The following LARS2 variants were observed in gnomAD, a reference collection of about 807,000 sequenced individuals.
LARS2 encodes the protein leucyl-tRNA synthetase 2, mitochondrial.
In LARS2, 81 loss-of-function variants were observed where a neutral mutation model predicts 116.6. That is an observed-to-expected ratio of 0.69 (90% CI 0.58 to 0.84). LARS2 has a LOEUF of 0.84. Among genes scored for constraint, LARS2 ranks in the 40% least tolerant of loss-of-function variants. The pLI is 0.00. For synonymous variants in LARS2, 396 were observed against 407.2 expected (o/e 0.97, Z 0.33); for missense variants, 968 against 1,114.5 (o/e 0.87, Z 1.87).
intron 20 of LARS2, among the ~76,000 whole-genome samples, chr3:45,536,761 G>A (rs1700712944): frequency 6.6e-6 from 1 of 152,220 alleles, no homozygotes; most frequent in African/African-American, 2.4e-5. Context: ...TTACAAGAGA[G>A]TGTGTCCTAA....
In LARS2 at chr3:45,445,903, G is replaced by T. The variant is rs1448324034; in HGVS notation, c.517-988G>T. ...TGAATTGTTTGCACTTTTGGTAAAA[G>T]TACGCTTTCTATCAAAAGTTTATTA... On this transcript the variant is annotated intron_variant, in intron 6 of 21. Coordinates refer to ENST00000645846, the MANE Select transcript of LARS2 (RefSeq NM_015340.4). Among the ~76,000 whole-genome samples, 3 of 152,282 alleles carry T rather than the reference G, an allele frequency of 2.0e-5. No individual in the cohort carries two copies. The East Asian group carries it at 5.8e-4, about 29-fold the overall frequency.
rs1036133391 is a variant in LARS2 at position 45,513,874 on chromosome 3, G to A, written c.1861+639G>A. On this transcript the variant is annotated intron_variant, in intron 16 of 21. Coordinates refer to ENST00000645846, the MANE Select transcript of LARS2 (RefSeq NM_015340.4). ...AGGTGCCATGGTGAGGATGTATCAC[G>A]TGCACCCAGCACACACGTGGAATAT... 5.4e-4 allele frequency among the ~76,000 whole-genome samples: 82 copies of A among 152,072 alleles called. 1 individual carries two copies. Among genetic ancestry groups the A allele is most frequent in the Non-Finnish European group, 1.8e-4 (12 of 68,032 alleles).
chr3:45,487,895 A>G (rs1559484797), intron 11 of LARS2, among the ~76,000 whole-genome samples: 1 of 152,208 alleles, frequency 6.6e-6, no homozygotes, highest in Non-Finnish European at 1.5e-5. Context: ...GTTAAAGAAT[A>G]AATGTCTACT....
intron 2 of LARS2, among the ~76,000 whole-genome samples, chr3:45,392,178 T>C (rs1206668917): frequency 2.0e-5 from 3 of 152,230 alleles, no homozygotes; most frequent in South Asian, 2.1e-4. Flanking sequence ...AAAGCGTATG[T>C]ATATTAGGTC....
chr3:45,459,229 G>A (rs557719282), intron 8 of LARS2, among the ~76,000 whole-genome samples: 4 of 152,270 alleles, frequency 2.6e-5, no homozygotes, highest in South Asian at 4.1e-4. Context: ...AGAGAGAAAA[G>A]TGTCTTCAAC....
chr3:45,468,898 G>C (rs1406553273), intron 8 of LARS2, among the ~76,000 whole-genome samples: 1 of 152,182 alleles, frequency 6.6e-6, no homozygotes, highest in African/African-American at 2.4e-5. Flanking sequence ...TCTAGCACCA[G>C]TGACACCATT....
chr3:45,485,696 C>T lies in LARS2; in HGVS notation c.1023C>T (p.Cys341=), dbSNP rs773167863. 1 of 1,592,936 alleles carries T rather than the reference C, an allele frequency of 6.3e-7. No individual in the cohort carries two copies. Among genetic ancestry groups the T allele is most frequent in the South Asian group, 1.1e-5 (1 of 88,862 alleles). The change falls in exon 11 of 22, where the codon TGC becomes TGT. Residue 341 remains cysteine, a synonymous_variant. Coordinates refer to ENST00000645846, the MANE Select transcript of LARS2 (RefSeq NM_015340.4). ...GTTATTTGCTCTCATTTTCAGATTGCCTCACGCCTGTAATGGCTGTGAACA... is the reference window on the plus strand; with the variant it reads ...GTTATTTGCTCTCATTTTCAGATTGTCTCACGCCTGTAATGGCTGTGAACA... ...LRMALVPGKD[C]LTPVMAVNML...
intron 3 of LARS2, among the ~76,000 whole-genome samples, chr3:45,394,924 T>G (rs561081543): frequency 6.6e-6 from 1 of 152,208 alleles, no homozygotes; most frequent in Non-Finnish European, 1.5e-5. Context: ...ACAAAGGTAG[T>G]GTTTACAAGA....
At position 45,547,470 on chromosome 3, in the gene LARS2, C is replaced by G. The variant is rs767724195; in HGVS notation, c.2652C>G (p.Ser884Arg). 1 of 1,613,716 alleles carries G rather than the reference C, an allele frequency of 6.2e-7. No homozygotes were observed. The highest frequency in any genetic ancestry group is 1.1e-5 in the South Asian group (1 of 90,984). Residue 884 changes from serine to arginine, a missense_variant, in exon 22 of 22, where the codon AGC (serine) becomes AGG (arginine). Transcript: ENST00000645846. Reference sequence around the variant, plus strand: ...GTGTCAGGCTTTTGCAAGGACGAAGCATCAAGAAGTCCTTCCTTTCCCCGA... The same window carrying G: ...GTGTCAGGCTTTTGCAAGGACGAAGGATCAAGAAGTCCTTCCTTTCCCCGA... ...ELGVRLLQGRSIKKSFLSPRT... is the reference protein window; with the variant it reads ...ELGVRLLQGRRIKKSFLSPRT...
chr3:45,426,752 C>T (rs892664603), intron 6 of LARS2, among the ~76,000 whole-genome samples: 1 of 152,176 alleles, frequency 6.6e-6, no homozygotes, highest in Admixed American at 6.5e-5. Flanking sequence ...TCGCAGTCTT[C>T]AGCCTTAACT....
intron 8 of LARS2, among the ~76,000 whole-genome samples, chr3:45,461,558 A>G (rs1400323842): frequency 2.0e-5 from 3 of 152,178 alleles, no homozygotes; most frequent in Non-Finnish European, 1.5e-5. Context: ...AAACCACTAA[A>G]GGATTCTAAG....
At chr3:45,416,997 C>T (rs942036036) in intron 4 of LARS2, among the ~76,000 whole-genome samples, 1 of 150,948 alleles carries the variant, frequency 6.6e-6, no homozygotes, top group Admixed American at 6.6e-5. Flanking sequence ...TCGCTTGAAC[C>T]TGGGAGGTGG....
intron 6 of LARS2, among the ~76,000 whole-genome samples, chr3:45,426,563 G>A (rs1698597927): frequency 6.6e-6 from 1 of 152,170 alleles, no homozygotes; most frequent in Non-Finnish European, 1.5e-5. Flanking sequence ...CTTATTTTTA[G>A]GATGGTTGGT....
rs9836908 is a variant in LARS2 at position 45,454,146 on chromosome 3, C to T, written c.607-4597C>T. On this transcript the variant is annotated intron_variant, in intron 7 of 21. Transcript: ENST00000645846. ...AGCAAGCACCACAGCTGCTGTGTCA[C>T]AGATAGGAAAGCTGATAAACACAAA... 2.8e-3 allele frequency among the ~76,000 whole-genome samples: 431 copies of T among 152,274 alleles called. 6 individuals are homozygous for T. The highest frequency in any genetic ancestry group is 9.8e-3 in the African/African-American group (408 of 41,544).
rs891088196 is a variant in LARS2, at chr3:45,453,337, G to C, written c.607-5406G>C. On this transcript the variant is annotated intron_variant, in intron 7 of 21. Transcript: ENST00000645846. Reference sequence around the variant, plus strand: ...ATGGTACTTGTTGATTATCAGTCTTGTGCTGGTATTTAGCCTTGGATGGTG... The same window carrying C: ...ATGGTACTTGTTGATTATCAGTCTTCTGCTGGTATTTAGCCTTGGATGGTG... Among the ~76,000 whole-genome samples, 2 of 152,094 alleles carry C rather than the reference G, an allele frequency of 1.3e-5. 1 individual carries two copies. The highest frequency in any genetic ancestry group is 1.3e-4 in the Admixed American group (2 of 15,256).
chr3:45,433,144 T>A (rs986708311), intron 6 of LARS2, among the ~76,000 whole-genome samples: 8 of 152,064 alleles, frequency 5.3e-5, no homozygotes, highest in African/African-American at 9.7e-5. Flanking sequence ...TTCAACCCAC[T>A]TATTATATTT....
At chr3:45,496,759 G>C (rs1367885097) in intron 14 of LARS2, among the ~76,000 whole-genome samples, 1 of 152,242 alleles carries the variant, frequency 6.6e-6, no homozygotes, top group East Asian at 1.9e-4. Context: ...GGGCTGGCAG[G>C]AACACACCAG....
intron 6 of LARS2, among the ~76,000 whole-genome samples, chr3:45,434,501 A>G (rs9825041): frequency 0.84 from 127,259 of 152,226 alleles, 55,551 homozygotes; most frequent in East Asian, 0.98. Context: ...GTTCATAATT[A>G]CTTGTTGAAG....
rs771277391 is a variant in LARS2, at chr3:45,547,334, G to C, written c.2533-17G>C. 6.3e-7 allele frequency: 1 copy of C among 1,590,630 alleles called. No homozygotes were observed. The highest frequency in any genetic ancestry group is 1.8e-5 in the Admixed American group (1 of 55,970). ...AGGATGTTCCTCATTGTTTATCTTG[G>C]CTTTTCTCCTTCTCAGATCAACAAT... On this transcript the variant is annotated splice_polypyrimidine_tract_variant and intron_variant, in intron 21 of 21. Transcript: ENST00000645846.
Sources: allele counts gnomAD v4.1 joint callset (sites outside exome capture counted in the v4.1 genomes callset), GRCh38; gene constraint gnomAD v4.1.1; transcripts MANE v1.5; gene names NCBI Gene and HGNC (gene_info 2026-07-23, HGNC 2026-07-21).